SUMF1: variants seen among roughly 807,000 people sequenced by gnomAD.
SUMF1 encodes the protein sulfatase modifying factor 1.
In SUMF1, 48 loss-of-function variants were observed where a neutral mutation model predicts 47.6. The observed-to-expected ratio is 1.01, with a 90% confidence interval of 0.80 to 1.28. The LOEUF (loss-of-function observed/expected upper bound fraction) is 1.28, where lower values mean the gene tolerates loss of function less well. Ranked by LOEUF, SUMF1 falls within the 50% of genes most tolerant of loss-of-function variation. The probability of loss-of-function intolerance (pLI) is 0.00; values close to 1 mark genes in which losing one functional copy is unlikely to be tolerated. For missense variants in SUMF1, 571 were observed against 485.4 expected, an observed-to-expected ratio of 1.18 and a Z score of -1.66; for synonymous variants, 230 against 192.1, an observed-to-expected ratio of 1.20 and a Z score of -1.63.
chr3:4,286,390 A>G (rs546094883), intron 8 of SUMF1, among the ~76,000 whole-genome samples: 2 of 152,282 alleles, frequency 1.3e-5, no homozygotes, highest in South Asian at 4.1e-4. Context: ...CTTCTAATAC[A>G]GCACAAAAGC....
intron 8 of SUMF1, among the ~76,000 whole-genome samples, chr3:4,274,245 G>T (rs1559640978): frequency 6.6e-6 from 1 of 152,012 alleles, no homozygotes; most frequent in Non-Finnish European, 1.5e-5. Flanking sequence ...TACCATGTTT[G>T]ACCAACTTCC....
intron 8 of SUMF1, among the ~76,000 whole-genome samples, chr3:4,242,753 G>A (rs1053745716): frequency 2.6e-5 from 4 of 152,142 alleles, no homozygotes; most frequent in Non-Finnish European, 5.9e-5. Flanking sequence ...CTGTGTCTCT[G>A]CCAGGCTTTG....
intron 8 of SUMF1, among the ~76,000 whole-genome samples, chr3:4,372,564 A>C (rs992127818): frequency 2.6e-5 from 4 of 152,210 alleles, no homozygotes; most frequent in Admixed American, 2.6e-4. Flanking sequence ...GATAGGAGCA[A>C]CTAACTTTTA....
chr3:4,363,931 G>A (rs1699859338), intron 8 of SUMF1, among the ~76,000 whole-genome samples: 2 of 145,864 alleles, frequency 1.4e-5, no homozygotes, highest in Middle Eastern at 3.4e-3. Flanking sequence ...TTTTTAGCAT[G>A]AAGGGTTGTT....
At chr3:4,406,881 A>C (rs1701392867) in intron 7 of SUMF1, among the ~76,000 whole-genome samples, 1 of 152,194 alleles carries the variant, frequency 6.6e-6, no homozygotes, top group Non-Finnish European at 1.5e-5. Context: ...TATTTCTTTA[A>C]CTGAAAGCAC....
At position 4,158,633 on chromosome 3, in the gene SUMF1, A is replaced by T. The variant is rs563924582; in HGVS notation, c.1015-89888T>A. On this transcript the variant is annotated intron_variant and NMD_transcript_variant, in intron 8 of 12. Transcript: ENST00000448413. ...TTTATTCACTCAGACTCACAGATAG[A>T]TATGTGCTCATATATATCTGGGTGC... Among the ~76,000 whole-genome samples, 4 of 151,556 alleles carry T rather than the reference A, an allele frequency of 2.6e-5. No individual in the cohort carries two copies. The East Asian group carries it at 7.7e-4, about 29-fold the overall frequency.
rs531547135 is a variant in SUMF1 at position 4,254,017 on chromosome 3, C to T, written c.1014+122313G>A. Among the ~76,000 whole-genome samples the T allele has an allele frequency of 4.0e-5, 6 of 150,874 alleles. 1 individual carries two copies. The highest frequency in any genetic ancestry group is 1.9e-4 in the East Asian group (1 of 5,138). On this transcript the variant is annotated intron_variant and NMD_transcript_variant, in intron 8 of 12. Transcript: ENST00000448413. ...AGCAAGGGCACACTGACACCACACA[C>T]AGCAGGGTATTCCAACAGACCTGCA...
chr3:4,136,207 G>A (rs1428106609), intron 8 of SUMF1, among the ~76,000 whole-genome samples: 2 of 152,110 alleles, frequency 1.3e-5, no homozygotes, highest in African/African-American at 4.8e-5. Flanking sequence ...GAGGCATCAT[G>A]CTACCTGACT....
In SUMF1 at chr3:4,367,128, C is replaced by T. The variant is rs535993334; in HGVS notation, c.1015-4874G>A. ...CGTGTGAGGTGTCAGTCTGCCCCTACTGGGGGGGTGCCTCACAGTTAGGCT... is the reference window on the plus strand; with the variant it reads ...CGTGTGAGGTGTCAGTCTGCCCCTATTGGGGGGGTGCCTCACAGTTAGGCT... On this transcript the variant is annotated intron_variant, in intron 8 of 8. Coordinates refer to ENST00000272902, the MANE Select transcript of SUMF1 (RefSeq NM_182760.4). 5.8e-3 allele frequency among the ~76,000 whole-genome samples: 875 copies of T among 151,746 alleles called. 10 individuals carry two copies. Among genetic ancestry groups the T allele is most frequent in the Non-Finnish European group, 9.0e-3 (613 of 67,946 alleles).
chr3:4,404,530 G>A (rs1466097234), intron 7 of SUMF1, among the ~76,000 whole-genome samples: 4 of 152,168 alleles, frequency 2.6e-5, no homozygotes, highest in Non-Finnish European at 5.9e-5. Context: ...GGCTGAGGCG[G>A]GTGAATCACC....
chr3:4,249,685 G>C (rs778402535), intron 8 of SUMF1, among the ~76,000 whole-genome samples: 1 of 152,084 alleles, frequency 6.6e-6, no homozygotes, highest in African/African-American at 2.4e-5. Flanking sequence ...TGGCCTCTAA[G>C]TTTTTAAGTA....
intron 3 of SUMF1, among the ~76,000 whole-genome samples, chr3:4,442,322 C>T (rs1351595451): frequency 1.3e-5 from 2 of 149,714 alleles, no homozygotes; most frequent in African/African-American, 4.9e-5. Flanking sequence ...GTGGCGCGAT[C>T]TCGGCTCACT....
intron 8 of SUMF1, among the ~76,000 whole-genome samples, chr3:4,142,857 G>A (rs1660396616): frequency 6.6e-6 from 1 of 151,992 alleles, no homozygotes; most frequent in Non-Finnish European, 1.5e-5. Context: ...AGAACTACTA[G>A]AATGTTCATC....
At chr3:4,104,417 G>A (rs1693109364) in intron 8 of SUMF1, among the ~76,000 whole-genome samples, 1 of 151,976 alleles carries the variant, frequency 6.6e-6, no homozygotes, top group African/African-American at 2.4e-5. Flanking sequence ...GACTAATACA[G>A]CCCTTCAGAT....
intron 2 of SUMF1, 91 bp downstream of exon 2, chr3:4,452,785 A>G: frequency 6.8e-7 from 1 of 1,463,464 alleles, no homozygotes; most frequent in Non-Finnish European, 9.6e-7. Context: ...AGAATGCAGT[A>G]AAAATGGTCA....
chr3:4,424,594 TTAAAATTACAAAATAACCCAAC>T (rs1702008610), intron 3 of SUMF1, among the ~76,000 whole-genome samples: 1 of 25,092 alleles, frequency 4.0e-5, no homozygotes, highest in Non-Finnish European at 1.3e-4. Context: ...AGTTTCTAAC[TTAAAATTACAAAATAACCCAAC>T]TGTCCTTGGT....
chr3:4,408,135 A>C (rs1701431392), intron 7 of SUMF1, among the ~76,000 whole-genome samples: 1 of 152,240 alleles, frequency 6.6e-6, no homozygotes, highest in African/African-American at 2.4e-5. Flanking sequence ...GCATGTGAGA[A>C]AACAAGACAT....
intron 9 of SUMF1, among the ~76,000 whole-genome samples, chr3:4,048,546 T>C (rs1428055832): frequency 6.6e-6 from 1 of 151,990 alleles, no homozygotes; most frequent in Non-Finnish European, 1.5e-5. Flanking sequence ...ATTCCCCCTG[T>C]TATAAGTCCT....
chr3:4,240,352 G>T (rs1215545428), intron 8 of SUMF1, among the ~76,000 whole-genome samples: 2 of 151,958 alleles, frequency 1.3e-5, no homozygotes, highest in Non-Finnish European at 2.9e-5. Flanking sequence ...ACTCCTCTTT[G>T]TACCTCTGGT....
Sources: allele counts gnomAD v4.1 joint callset (sites outside exome capture counted in the v4.1 genomes callset), GRCh38; gene constraint gnomAD v4.1.1; transcripts MANE v1.5; gene names NCBI Gene and HGNC (gene_info 2026-07-23, HGNC 2026-07-21).